Variants in ISOC2 observed in about 807,000 individuals in gnomAD.
ISOC2 encodes isochorismatase domain-containing protein 2.
In ISOC2, 15 loss-of-function variants were observed where a neutral mutation model predicts 19.3. That is an observed-to-expected ratio of 0.78 (90% CI 0.52 to 1.20). The LOEUF (loss-of-function observed/expected upper bound fraction) is 1.20, where lower values mean the gene tolerates loss of function less well. Ranked by LOEUF, ISOC2 falls within the 50% of genes most tolerant of loss-of-function variation. ISOC2 has a pLI of 0.00. For missense variants in ISOC2, 285 were observed against 272.4 expected (o/e 1.05, Z -0.33); for synonymous variants, 106 against 115.8 (o/e 0.92, Z 0.54).
intron 2 of ISOC2, chr19:55,456,113 G>T: frequency 1.7e-6 from 1 of 598,998 alleles, no homozygotes; most frequent in East Asian, 2.9e-5. Flanking sequence ...AGTTGGGCCT[G>T]GACGCCTGGG....
Position 55,455,756 on chromosome 19 carries a change from G to T in ISOC2, c.228C>A (p.Gly76=). 6.3e-7 allele frequency: 1 copy of T among 1,591,982 alleles called. No individual in the cohort carries two copies. Among genetic ancestry groups the T allele is most frequent in the Non-Finnish European group, 8.5e-7 (1 of 1,169,970 alleles). The change falls in exon 3 of 6, where the codon GGC becomes GGA. Residue 76 remains glycine (G), a synonymous_variant. Transcript: ENST00000425675. The part of the protein sequence containing the change: ...GPTVPELGTE[G]LRPLAKTCFS... ...AGCAGGTCTTGGCCAGCGGCCGAAG[G>T]CCCTCAGTCCCCAGCTCGGGCACCG...
At chr19:55,461,207 C>T (rs933673103) in intron 1 of ISOC2, among the ~76,000 whole-genome samples, 1 of 144,400 alleles carries the variant, frequency 6.9e-6, no homozygotes, top group African/African-American at 2.6e-5. Flanking sequence ...CTCGGAAACC[C>T]GGCCTTGGAG....
chr19:55,455,019 C>T lies in ISOC2; in HGVS notation c.507G>A (p.Val169=), dbSNP rs764178857. The part of the protein sequence containing the change: ...STSEGLILQL[V]GDAVHPQFKE... ...TGAACTGGGGGTGGACGGCATCGCCCACAAGCTGCAGAATGAGCCCTTCGC... is the reference window on the plus strand; with the variant it reads ...TGAACTGGGGGTGGACGGCATCGCCTACAAGCTGCAGAATGAGCCCTTCGC... The change falls in exon 5 of 6, where the codon GTG becomes GTA. Residue 169 remains valine (V), a synonymous_variant. Coordinates refer to ENST00000425675, the MANE Select transcript of ISOC2 (RefSeq NM_001136201.2). 4 of 1,613,496 alleles carry T rather than the reference C, an allele frequency of 2.5e-6. No homozygotes were observed. In the South Asian group the frequency reaches 4.4e-5, roughly 18 times the overall value.
chr19:55,455,609 G>A (rs1986026430), intron 3 of ISOC2, 27 bp downstream of exon 3: 4 of 1,538,050 alleles, frequency 2.6e-6, no homozygotes, highest in South Asian at 2.4e-5. Flanking sequence ...TAGAACGAGG[G>A]ACCCCTGGGG....
intron 1 of ISOC2, among the ~76,000 whole-genome samples, chr19:55,457,465 G>A (rs1986096404): frequency 1.3e-5 from 2 of 150,940 alleles, no homozygotes; most frequent in Admixed American, 6.6e-5. Context: ...AGCCCAGGAG[G>A]CAGAGGTTGT....
intron 1 of ISOC2, among the ~76,000 whole-genome samples, chr19:55,460,341 CTG>C (rs1392730295): frequency 2.6e-5 from 4 of 152,208 alleles, no homozygotes; most frequent in Admixed American, 1.3e-4. Context: ...GAAAATGTGT[CTG>C]TGTTGCCTAT....
chr19:55,454,909 T>TGC, intron 5 of ISOC2, 80 bp downstream of exon 5: 1 of 1,075,124 alleles, frequency 9.3e-7, no homozygotes, highest in Non-Finnish European at 1.4e-6. Context: ...AGCCTGCTGG[T>TGC]GCCGAGATGT....
intron 1 of ISOC2, among the ~76,000 whole-genome samples, chr19:55,457,700 C>T (rs1014079651): frequency 4.6e-5 from 7 of 151,352 alleles, no homozygotes; most frequent in African/African-American, 9.7e-5. Context: ...CACGGTGGCA[C>T]GCACCTGTTG....
At chr19:55,454,936 GAC>G in intron 5 of ISOC2, 51 bp downstream of exon 5, 1 of 1,353,600 alleles carries the variant, frequency 7.4e-7, no homozygotes, top group Non-Finnish European at 1.1e-6. Flanking sequence ...AGAGCCCAAA[GAC>G]AAGACCTTTG....
At chr19:55,458,223 C>T (rs971439117) in intron 1 of ISOC2, among the ~76,000 whole-genome samples, 3 of 152,186 alleles carry the variant, frequency 2.0e-5, no homozygotes, top group African/African-American at 4.8e-5. Context: ...GACTTCCACT[C>T]GGTCAGAGCG....
At chr19:55,460,024 A>C (rs11880266) in intron 1 of ISOC2, 1 of 151,994 alleles carries the variant, frequency 6.6e-6, no homozygotes, top group Non-Finnish European at 1.5e-5. Context: ...TGGATACACA[A>C]ACCCTCTGAC....
intron 1 of ISOC2, among the ~76,000 whole-genome samples, chr19:55,460,572 A>T (rs1277604901): frequency 6.6e-6 from 1 of 152,386 alleles, no homozygotes; most frequent in African/African-American, 2.4e-5. Context: ...GTCAGAAGCC[A>T]GGACAGTGAC....
chr19:55,454,896 G>C (rs1003462227), intron 5 of ISOC2, 93 bp downstream of exon 5: 3 of 942,304 alleles, frequency 3.2e-6, no homozygotes, highest in East Asian at 2.4e-5. Context: ...CCCTGGAGGC[G>C]GCAGCCTGCT....
At chr19:55,461,441 G>T (rs1362068803) in intron 1 of ISOC2, 71 bp downstream of exon 1, 1 of 152,310 alleles carries the variant, frequency 6.6e-6, no homozygotes, top group Non-Finnish European at 1.5e-5. Flanking sequence ...CCCAGGCAGA[G>T]CCTCAGTTTC....
chr19:55,456,496 G>T lies in ISOC2; in HGVS notation c.-3-7C>A, dbSNP rs772100154. On this transcript the variant is annotated splice_region_variant and splice_polypyrimidine_tract_variant and intron_variant, in intron 1 of 5. Transcript: ENST00000425675. ...GCCTGGCAGCCGCCATTTTCTGGGG[G>T]TGGGCAGAGGGACGGTGGGTCAGGC... is the stretch of plus-strand genomic sequence containing the variant. The T allele has an allele frequency of 6.2e-7, 1 of 1,613,466 alleles. No homozygotes were observed. The highest frequency in any genetic ancestry group is 2.2e-5 in the East Asian group (1 of 44,884).
In ISOC2 at chr19:55,456,586, C is replaced by G. The variant is rs534518584; in HGVS notation, c.-3-97G>C. On this transcript the variant is annotated intron_variant, in intron 1 of 5. Transcript: ENST00000425675. Reference sequence around the variant, plus strand: ...CCTCACACTCAGAGCCTGGCAGGGCCCGGGGCACCTTGCCAACCTTCTTCC... The same window carrying G: ...CCTCACACTCAGAGCCTGGCAGGGCGCGGGGCACCTTGCCAACCTTCTTCC... The G allele has an allele frequency of 1.8e-4, 274 of 1,484,020 alleles. No individual in the cohort carries two copies. In the African/African-American group the frequency reaches 3.5e-3, roughly 19 times the overall value. 91.9% of individuals were successfully genotyped at this position (1,484,020 alleles called of 1,614,324 possible).
chr19:55,459,404 G>T (rs1011546300), intron 1 of ISOC2, among the ~76,000 whole-genome samples: 4 of 152,160 alleles, frequency 2.6e-5, no homozygotes, highest in African/African-American at 9.7e-5. Context: ...AAACCACAGT[G>T]AATTAATCCC....
chr19:55,458,053 C>T (rs1174114000), intron 1 of ISOC2, among the ~76,000 whole-genome samples: 2 of 104,560 alleles, frequency 1.9e-5, no homozygotes, highest in Non-Finnish European at 4.2e-5. Flanking sequence ...TGCATTTTAC[C>T]ACAATTAAAA....
Position 55,455,338 on chromosome 19 carries a change from TAGAG to T in ISOC2, c.349-12_349-9del. 2 of 1,613,582 alleles carry T rather than the reference TAGAG, an allele frequency of 1.2e-6. No individual in the cohort carries two copies. Among genetic ancestry groups the T allele is most frequent in the Middle Eastern group, 1.7e-4 (1 of 6,038 alleles). ...GAGGTCCAGGGTCGTGTTCTGTGGG[TAGAG>T]AGAGGTCAGGGCCAACCCCGGATAA... On this transcript the variant is annotated splice_polypyrimidine_tract_variant and intron_variant, in intron 3 of 5. Coordinates refer to ENST00000425675, the MANE Select transcript of ISOC2 (RefSeq NM_001136201.2).
Sources: allele counts gnomAD v4.1 joint callset (sites outside exome capture counted in the v4.1 genomes callset), GRCh38; gene constraint gnomAD v4.1.1; transcripts MANE v1.5; gene names NCBI Gene and HGNC (gene_info 2026-07-23, HGNC 2026-07-21).